The following TGM7 variants were observed in gnomAD, a reference collection of about 807,000 sequenced individuals.
The protein encoded by TGM7 is transglutaminase 7.
A neutral mutation model predicts 79.5 loss-of-function variants in TGM7; 74 were observed. The observed-to-expected ratio is 0.93, with a 90% CI of 0.77 to 1.13. TGM7 has a LOEUF of 1.13. TGM7 is among the 50% of genes most tolerant of loss of function. The pLI is 0.00. For synonymous variants in TGM7, 354 were observed against 362.5 expected (o/e 0.98, Z 0.27); for missense variants, 912 against 905.9 (o/e 1.01, Z -0.09).
At chr15:43,281,736 T>G in intron 9 of TGM7, 108 bp downstream of exon 9, 6 of 1,518,384 alleles carry the variant, frequency 4.0e-6, no homozygotes, top group Non-Finnish European at 4.5e-6. Context: ...GAGTTTGCCA[T>G]GAGGAAGAGG....
intron 11 of TGM7, among the ~76,000 whole-genome samples, chr15:43,277,784 C>G (rs1392146866): frequency 6.6e-6 from 1 of 152,196 alleles, no homozygotes; most frequent in African/African-American, 2.4e-5. Flanking sequence ...GGGGCTTGTT[C>G]TGGCTGGGCC....
rs756793917 is a variant in TGM7 at position 43,276,488 on chromosome 15, C to G, written c.2100G>C (p.Lys700Asn). The change falls in exon 13 of 13, where the codon AAG becomes AAC. Residue 700 changes from lysine (K) to asparagine (N), a missense_variant. Physicochemically the swap from Lys to Asn is moderately conservative, Grantham distance 94. Transcript: ENST00000452443. ...SNEVKEIKGY[K>N]DIFVTVAGAP ...CCCCAGCCACAGTGACGAAGATGTCCTTGTAGCCTTTGATCTCCTTGACCT... is the reference window on the plus strand; with the variant it reads ...CCCCAGCCACAGTGACGAAGATGTCGTTGTAGCCTTTGATCTCCTTGACCT... The G allele has an allele frequency of 6.2e-7, 1 of 1,614,030 alleles. No homozygotes were observed. The highest frequency in any genetic ancestry group is 8.5e-7 in the Non-Finnish European group (1 of 1,179,976).
intron 7 of TGM7, among the ~76,000 whole-genome samples, chr15:43,284,191 T>A (rs2042923440): frequency 1.3e-5 from 2 of 152,114 alleles, no homozygotes; most frequent in South Asian, 4.1e-4. Flanking sequence ...AGAGCGAGAC[T>A]CCATCTCAAA....
Position 43,276,892 on chromosome 15 carries a change from C to A in TGM7, c.1943G>T (p.Ser648Ile), listed in dbSNP as rs762736775. 1.2e-6 allele frequency: 2 copies of A among 1,614,184 alleles called. No homozygotes were observed. Among genetic ancestry groups the A allele is most frequent in the Admixed American group, 1.7e-5 (1 of 60,022 alleles). The change falls in exon 12 of 13, where the codon AGC (serine) becomes ATC (isoleucine). Residue 648 changes from serine to isoleucine, a missense_variant. Ser to Ile is a moderately radical substitution (Grantham distance 142, BLOSUM62 -2). Coordinates refer to ENST00000452443, the MANE Select transcript of TGM7 (RefSeq NM_052955.3). Reference protein sequence around the residue: ...LSSCTMVLEGSGLINGQIAKD... With the variant: ...LSSCTMVLEGIGLINGQIAKD... ...TGCTATCTGCCCATTGATGAGGCCGCTTCCTTCCAGCACCATCGTGCAGCT... is the reference window on the plus strand; with the variant it reads ...TGCTATCTGCCCATTGATGAGGCCGATTCCTTCCAGCACCATCGTGCAGCT...
Position 43,284,891 on chromosome 15 carries a change from C to T in TGM7, c.927G>A (p.Val309=). Residue 309 remains valine (V), a synonymous_variant, in exon 7 of 13, where the codon GTG becomes GTA. Coordinates refer to ENST00000452443, the MANE Select transcript of TGM7 (RefSeq NM_052955.3). The part of the protein sequence containing the change: ...VVSNFRSAHN[V]DRNLTIDTYY... Reference sequence around the variant, plus strand: ...ACGTATCGATGGTCAAGTTCCTATCCACGTTGTGCGCGGAACGGAAATTGG... The same window carrying T: ...ACGTATCGATGGTCAAGTTCCTATCTACGTTGTGCGCGGAACGGAAATTGG... The T allele has an allele frequency of 1.2e-6, 2 of 1,614,184 alleles. No individual in the cohort carries two copies. Among genetic ancestry groups the T allele is most frequent in the Non-Finnish European group, 1.7e-6 (2 of 1,180,030 alleles).
chr15:43,301,422 G>A (rs1056717673), intron 1 of TGM7, among the ~76,000 whole-genome samples: 3 of 151,548 alleles, frequency 2.0e-5, no homozygotes, highest in Non-Finnish European at 4.4e-5. Context: ...CTGAGGTCAG[G>A]AGTTCAAGAC....
rs201454676 is a variant in TGM7 at position 43,287,433 on chromosome 15, C to T, written c.712G>A (p.Val238Met). Residue 238 changes from valine to methionine, a missense_variant, in exon 6 of 13, where the codon GTG becomes ATG. By Grantham distance (21) the Val-to-Met change is conservative (BLOSUM62 1). Transcript: ENST00000452443. ...AMINSNDDNG[V>M]LQGNWGEDYS... ...TCCTCGCCCCAGTTCCCCTGCAGCA[C>T]GCCATTGTCATCGTTGCTGTTGATC... 530 of 1,614,006 alleles carry T rather than the reference C, an allele frequency of 3.3e-4. 1 individual carries two copies. The highest frequency in any genetic ancestry group is 8.2e-4 in the Middle Eastern group (5 of 6,084).
At chr15:43,291,571 A>T (rs1169116218) in intron 4 of TGM7, among the ~76,000 whole-genome samples, 2 of 152,228 alleles carry the variant, frequency 1.3e-5, no homozygotes, top group South Asian at 2.1e-4. Context: ...AACAAGTAAA[A>T]AACGTGAAAA....
intron 4 of TGM7, among the ~76,000 whole-genome samples, chr15:43,289,849 G>T (rs1163723036): frequency 6.6e-6 from 1 of 152,174 alleles, no homozygotes; most frequent in East Asian, 1.9e-4. Flanking sequence ...TCTTTTGGCT[G>T]CATAAATGTC....
intron 11 of TGM7, among the ~76,000 whole-genome samples, chr15:43,277,693 C>G (rs1387600087): frequency 6.6e-6 from 1 of 152,176 alleles, no homozygotes. Flanking sequence ...GCCCCTGGGC[C>G]TAGAACAGTG....
chr15:43,299,799 T>C (rs562074895), intron 1 of TGM7, among the ~76,000 whole-genome samples: 1 of 152,360 alleles, frequency 6.6e-6, no homozygotes, highest in South Asian at 2.1e-4. Flanking sequence ...TCTTCCCTTC[T>C]TACAAAATGT....
chr15:43,296,124 A>C (rs1259841442), intron 1 of TGM7, among the ~76,000 whole-genome samples: 2 of 152,244 alleles, frequency 1.3e-5, no homozygotes, highest in Non-Finnish European at 2.9e-5. Context: ...ATCATAGATC[A>C]TAGTTAAAAG....
At chr15:43,283,979 G>A (rs1331977348) in intron 7 of TGM7, among the ~76,000 whole-genome samples, 4 of 152,172 alleles carry the variant, frequency 2.6e-5, no homozygotes, top group African/African-American at 9.7e-5. Context: ...AGGCCGAGGC[G>A]AGTGGATCAT....
intron 7 of TGM7, among the ~76,000 whole-genome samples, chr15:43,282,919 G>A (rs181486503): frequency 5.9e-5 from 9 of 152,174 alleles, no homozygotes; most frequent in East Asian, 5.8e-4. Flanking sequence ...GCATGGTGGC[G>A]GGCACCTGTA....
At chr15:43,286,758 C>T (rs2042937562) in intron 6 of TGM7, among the ~76,000 whole-genome samples, 1 of 152,246 alleles carries the variant, frequency 6.6e-6, no homozygotes, top group Admixed American at 6.5e-5. Context: ...TGCTCAACAA[C>T]TTTGCACTGA....
At chr15:43,293,930 C>A (rs965410019) in intron 1 of TGM7, among the ~76,000 whole-genome samples, 2 of 33,974 alleles carry the variant, frequency 5.9e-5, no homozygotes, top group East Asian at 5.5e-4. Context: ...GTGGGGTGTG[C>A]GGGGGGATCG....
At chr15:43,297,335 C>T (rs1469271894) in intron 1 of TGM7, among the ~76,000 whole-genome samples, 1 of 151,922 alleles carries the variant, frequency 6.6e-6, no homozygotes, top group Non-Finnish European at 1.5e-5. Context: ...TGCTTATAAT[C>T]CCAGCTACTC....
chr15:43,279,004 G>A, intron 11 of TGM7, 113 bp downstream of exon 11: 1 of 1,167,672 alleles, frequency 8.6e-7, no homozygotes, highest in East Asian at 2.5e-5. Flanking sequence ...TACTGTGCTG[G>A]AGCCATCGGT....
rs764230670 is a variant in TGM7 at position 43,276,416 on chromosome 15, G to A, written c.*39C>T. ...AGCCAGGAGTAGAAAGGAGCCAGGT[G>A]GGGCAGGGGTGCCAGGGAGGGCAGC... is the stretch of plus-strand genomic sequence containing the variant. On this transcript the variant is annotated 3_prime_UTR_variant, in exon 13 of 13. Transcript: ENST00000452443. 19 of 1,588,618 alleles carry A rather than the reference G, an allele frequency of 1.2e-5. No individual in the cohort carries two copies. The East Asian group carries it at 3.1e-4, about 26-fold the overall frequency.
Sources: allele counts gnomAD v4.1 joint callset (sites outside exome capture counted in the v4.1 genomes callset), GRCh38; gene constraint gnomAD v4.1.1; transcripts MANE v1.5; gene names NCBI Gene and HGNC (gene_info 2026-07-23, HGNC 2026-07-21).